PTDSS2: variants seen among roughly 807,000 people sequenced by gnomAD.
The protein encoded by PTDSS2 is phosphatidylserine synthase 2.
A neutral mutation model predicts 64.7 loss-of-function variants in PTDSS2; 41 were observed. That is an observed-to-expected ratio of 0.63 (90% confidence interval 0.49 to 0.82). The LOEUF (loss-of-function observed/expected upper bound fraction) is 0.82. Ranked by LOEUF, PTDSS2 falls within the 40% of genes least tolerant of loss-of-function variation. The pLI, the probability that PTDSS2 is intolerant of heterozygous loss-of-function variation, is 0.00. For synonymous variants in PTDSS2, 297 were observed against 277.8 expected, an observed-to-expected ratio of 1.07 and a Z score of -0.69; for missense variants, 485 against 650.0, an observed-to-expected ratio of 0.75 and a Z score of 2.76.
Position 488,665 on chromosome 11 carries a change from C to T in PTDSS2, c.854+18C>T, listed in dbSNP as rs570658312. The T allele has an allele frequency of 2.2e-5, 35 of 1,575,524 alleles. No homozygotes were observed. The South Asian group carries it at 3.0e-4, about 13-fold the overall frequency. ...ACCTACAAGTACGTCGTGGGGGCTG[C>T]GAGGGCAGGGCCGGGTGGGGGTTAC... On this transcript the variant is annotated intron_variant, in intron 8 of 11. Transcript: ENST00000308020.
chr11:472,257 C>A (rs553567367), intron 2 of PTDSS2, among the ~76,000 whole-genome samples: 2 of 152,324 alleles, frequency 1.3e-5, no homozygotes, highest in South Asian at 4.1e-4. Flanking sequence ...ACCCTCCCCA[C>A]GCCCCTTGGA....
intron 1 of PTDSS2, among the ~76,000 whole-genome samples, chr11:454,753 T>C (rs1420264935): frequency 6.6e-6 from 1 of 152,136 alleles, no homozygotes; most frequent in Admixed American, 6.5e-5. Flanking sequence ...CGCGCCAGTG[T>C]CCTCCAGCCT....
Position 461,732 on chromosome 11 carries a change from C to T in PTDSS2, c.284+1444C>T, listed in dbSNP as rs1347437479. The stretch of plus-strand genomic sequence containing the variant: ...GGCCCAGCTCGCTCCTTCTCCCTTT[C>T]TTAGGCAGTCCCAGCGGGGGTCACG... On this transcript the variant is annotated intron_variant, in intron 2 of 11. Coordinates refer to ENST00000308020, the MANE Select transcript of PTDSS2 (RefSeq NM_030783.3). This position sits in a 1 kb window ranked among gnomAD's most constrained non-coding sequence, Gnocchi z 4.2. Among the ~76,000 whole-genome samples, 5 of 152,096 alleles carry T rather than the reference C, an allele frequency of 3.3e-5. No homozygotes were observed. Among genetic ancestry groups the T allele is most frequent in the African/African-American group, 1.2e-4 (5 of 41,424 alleles).
intron 4 of PTDSS2, among the ~76,000 whole-genome samples, chr11:482,868 T>C (rs1490598012): frequency 7.2e-6 from 1 of 139,192 alleles, no homozygotes. Flanking sequence ...GAGTTTTTCG[T>C]AGATCTCCCT....
intron 4 of PTDSS2, among the ~76,000 whole-genome samples, chr11:485,424 CGT>C (rs1232934790): frequency 3.5e-5 from 5 of 142,230 alleles, no homozygotes; most frequent in African/African-American, 2.7e-5. Context: ...TGCACGGACG[CGT>C]GTGTGCTCAC....
In PTDSS2 at chr11:489,500, G is replaced by T; in HGVS notation, c.955G>T (p.Gly319Cys). ...CCTGCGTCGCTGGCTGGCCGTGTGC[G>T]GCATCATCCTGGTGGTAAGGCCGGG... ...SSLRRWLAVC[G>C]IILVFLLAEL... The change falls in exon 9 of 12, where the codon GGC (glycine) becomes TGC (cysteine). Residue 319 changes from glycine to cysteine, a missense_variant. Gly to Cys is a radical substitution (Grantham distance 159, BLOSUM62 -3). Coordinates refer to ENST00000308020, the MANE Select transcript of PTDSS2 (RefSeq NM_030783.3). 1 of 1,612,998 alleles carries T rather than the reference G, an allele frequency of 6.2e-7. No individual in the cohort carries two copies. Among genetic ancestry groups the T allele is most frequent in the East Asian group, 2.2e-5 (1 of 44,868 alleles).
intron 2 of PTDSS2, among the ~76,000 whole-genome samples, chr11:468,077 T>A (rs1252342401): frequency 1.3e-5 from 2 of 152,150 alleles, no homozygotes; most frequent in Admixed American, 1.3e-4. Flanking sequence ...TGCAGCGAGC[T>A]GTGATTGAGC....
rs1846808434 is a variant in PTDSS2, at chr11:460,148, C to T, written c.183-39C>T. The T allele has an allele frequency of 3.2e-6, 5 of 1,543,842 alleles. No individual in the cohort carries two copies. In the African/African-American group the frequency reaches 5.4e-5, roughly 17 times the overall value. ...TACGTGAGTATTTAGCAATGCTGCC[C>T]AAGCTCTGACACCATGCTTATGCGT... On this transcript the variant is annotated intron_variant, in intron 1 of 11. Transcript: ENST00000308020. The surrounding 1 kb of genome is among the most constrained non-coding windows in gnomAD (Gnocchi z 5.8).
Position 470,288 on chromosome 11 carries a change from AC to A in PTDSS2, c.285-3603del, listed in dbSNP as rs1320511815. On this transcript the variant is annotated intron_variant, in intron 2 of 11. Coordinates refer to ENST00000308020, the MANE Select transcript of PTDSS2 (RefSeq NM_030783.3). The surrounding 1 kb of genome is among the most constrained non-coding windows in gnomAD (Gnocchi z 5.3). ...GGGAGGCTGCTGCCCCATCCTCCCA[AC>A]CCCGACGACCCCAGCCCGGCCATGC... 5.3e-5 allele frequency among the ~76,000 whole-genome samples: 8 copies of A among 152,116 alleles called. No individual in the cohort carries two copies. Among genetic ancestry groups the A allele is most frequent in the Non-Finnish European group, 1.0e-4 (7 of 68,022 alleles).
At position 479,235 on chromosome 11, in the gene PTDSS2, A is replaced by G. The variant is rs1847955024; in HGVS notation, c.435+83A>G. 3.5e-6 allele frequency: 4 copies of G among 1,152,854 alleles called. No homozygotes were observed. Among genetic ancestry groups the G allele is most frequent in the Non-Finnish European group, 5.3e-6 (4 of 759,324 alleles). 71.4% of individuals were successfully genotyped at this position (1,152,854 alleles called of 1,614,324 possible). ...CATGGTGACAAAGGAGGCCTTGCCC[A>G]CACAGCCCTCGAGTGATGGGAGGAA... On this transcript the variant is annotated intron_variant, in intron 4 of 11. Coordinates refer to ENST00000308020, the MANE Select transcript of PTDSS2 (RefSeq NM_030783.3). The surrounding 1 kb of genome is among the most constrained non-coding windows in gnomAD (Gnocchi z 4.2).
upstream of PTDSS2, among the ~76,000 whole-genome samples, chr11:448,895 C>T (rs1846202715): frequency 1.3e-5 from 2 of 152,184 alleles, no homozygotes; most frequent in African/African-American, 4.8e-5. Flanking sequence ...ACAGCACTTT[C>T]ATCGCCCCGA....
rs755839560 is a variant in PTDSS2, at chr11:479,579, G to A, written c.435+427G>A. On this transcript the variant is annotated intron_variant, in intron 4 of 11. Coordinates refer to ENST00000308020, the MANE Select transcript of PTDSS2 (RefSeq NM_030783.3). The surrounding 1 kb of genome is among the most constrained non-coding windows in gnomAD (Gnocchi z 4.2). ...TGAAGGGAGCCGCAAGTCAGGTCCT[G>A]CGATGCAGGCCAGCGTCTGCATGGC... is the stretch of plus-strand genomic sequence containing the variant. 45 of 227,248 alleles carry A rather than the reference G, an allele frequency of 2.0e-4. No homozygotes were observed. Among genetic ancestry groups the A allele is most frequent in the Non-Finnish European group, 3.2e-4 (36 of 114,200 alleles). 14.1% of individuals were successfully genotyped at this position (227,248 alleles called of 1,614,324 possible). A position where few individuals can be genotyped will look rare whatever the true frequency, so the allele number is the denominator to read the frequency against.
At chr11:475,832 G>A (rs1268590939) in intron 3 of PTDSS2, among the ~76,000 whole-genome samples, 1 of 152,182 alleles carries the variant, frequency 6.6e-6, no homozygotes, top group African/African-American at 2.4e-5. Flanking sequence ...TGTATATTTA[G>A]AGAGTTTCCA....
intron 4 of PTDSS2, among the ~76,000 whole-genome samples, chr11:484,954 CTGTG>C (rs150370218): frequency 9.0e-5 from 12 of 133,846 alleles, no homozygotes; most frequent in South Asian, 2.4e-4. Context: ...TGTGTGCTCA[CTGTG>C]TGCGCAGGCG....
intron 2 of PTDSS2, among the ~76,000 whole-genome samples, chr11:464,815 A>G (rs982653835): frequency 1.3e-5 from 2 of 152,252 alleles, no homozygotes; most frequent in Non-Finnish European, 2.9e-5. Flanking sequence ...AATAAAATAC[A>G]TGTAACATAT....
chr11:475,684 A>T (rs1195693703), intron 3 of PTDSS2, among the ~76,000 whole-genome samples: 2 of 152,200 alleles, frequency 1.3e-5, no homozygotes, highest in Non-Finnish European at 2.9e-5. Context: ...ACTAATTTTT[A>T]AAATGACTTT....
chr11:488,682 G>T, intron 8 of PTDSS2, 35 bp downstream of exon 8: 1 of 1,495,634 alleles, frequency 6.7e-7, no homozygotes. Flanking sequence ...AGGGCCGGGT[G>T]GGGGTTACCT....
intron 4 of PTDSS2, among the ~76,000 whole-genome samples, chr11:486,052 CG>C (rs1257614479): frequency 1.3e-5 from 2 of 151,496 alleles, no homozygotes; most frequent in Admixed American, 6.6e-5. Flanking sequence ...AAACAGTGCA[CG>C]GGCGTGTGTG....
intron 2 of PTDSS2, among the ~76,000 whole-genome samples, chr11:469,572 T>G (rs970261312): frequency 2.6e-5 from 4 of 152,080 alleles, no homozygotes; most frequent in Non-Finnish European, 5.9e-5. Context: ...GAGTGGCCGC[T>G]GTGATGGTGG....
Sources: allele counts gnomAD v4.1 joint callset (sites outside exome capture counted in the v4.1 genomes callset), GRCh38; gene constraint gnomAD v4.1.1; non-coding constraint Gnocchi (gnomAD v3.1); transcripts MANE v1.5; gene names NCBI Gene and HGNC (gene_info 2026-07-23, HGNC 2026-07-21).